Variants in C2CD3 observed in about 807,000 individuals in gnomAD.
C2CD3 encodes the protein C2 domain containing 3 centriole elongation regulator.
In C2CD3, 148 loss-of-function variants were observed where a neutral mutation model predicts 234.0. The observed-to-expected ratio is 0.63, with a 90% confidence interval of 0.55 to 0.72. The LOEUF is 0.72. Among genes scored for constraint, C2CD3 ranks in the 30% least tolerant of loss-of-function variants. The pLI, the probability that C2CD3 is intolerant of heterozygous loss-of-function variation, is 0.00. For missense variants in C2CD3, 2,577 were observed against 2,811.5 expected (o/e 0.92, Z 1.89); for synonymous variants, 1,000 against 1,035.4 (o/e 0.97, Z 0.66).
chr11:74,157,993 G>A (rs1446006535), intron 3 of C2CD3, among the ~76,000 whole-genome samples: 1 of 152,158 alleles, frequency 6.6e-6, no homozygotes, highest in Non-Finnish European at 1.5e-5. Flanking sequence ...CCACATGCAG[G>A]AGAATAAGAG....
intron 3 of C2CD3, among the ~76,000 whole-genome samples, chr11:74,155,083 C>A (rs924585596): frequency 1.3e-5 from 2 of 152,276 alleles, no homozygotes; most frequent in Admixed American, 1.3e-4. Context: ...CTGTTCCTGG[C>A]AGGCCTCCAC....
At chr11:74,075,266 C>T (rs1337498300) in intron 23 of C2CD3, among the ~76,000 whole-genome samples, 5 of 151,546 alleles carry the variant, frequency 3.3e-5, no homozygotes, top group Non-Finnish European at 7.4e-5. Flanking sequence ...ATTTTCTCTT[C>T]CTCGTGTCTC....
At chr11:74,080,202 T>A (rs1179843467) in intron 22 of C2CD3, among the ~76,000 whole-genome samples, 2 of 152,214 alleles carry the variant, frequency 1.3e-5, no homozygotes, top group African/African-American at 4.8e-5. Flanking sequence ...ACTAAGTATA[T>A]TTTACAAATG....
rs551918060 is a variant in C2CD3, at chr11:74,116,237, C to T, written c.1521-1644G>A. On this transcript the variant is annotated intron_variant, in intron 9 of 32. Coordinates refer to ENST00000334126, the MANE Select transcript of C2CD3 (RefSeq NM_001286577.2). ...CACAATCTATACATCTGACAAAGGA[C>T]TAATATCCAGAATCTATAAGGAATG... Among the ~76,000 whole-genome samples the T allele has an allele frequency of 5.9e-5, 9 of 152,174 alleles. No homozygotes were observed. In the East Asian group the frequency reaches 1.7e-3, roughly 29 times the overall value.
At chr11:74,032,986 T>C (rs1952584755) in intron 31 of C2CD3, among the ~76,000 whole-genome samples, 1 of 152,154 alleles carries the variant, frequency 6.6e-6, no homozygotes, top group Non-Finnish European at 1.5e-5. Flanking sequence ...AAGTGCTCAA[T>C]GGCAGTGATT....
In C2CD3 at chr11:74,139,640, C is replaced by G; in HGVS notation, c.672G>C (p.Glu224Asp). The G allele has an allele frequency of 6.2e-7, 1 of 1,613,960 alleles. No homozygotes were observed. The highest frequency in any genetic ancestry group is 8.5e-7 in the Non-Finnish European group (1 of 1,179,864). ...DIHTIKIDGK[E>D]LAANSSRSTT... ...TTGATCTACTGCTGTTGGCTGCTAA[C>G]TCTTTTCCATCAATTTTGATGGTAT... Residue 224 changes from glutamate (E) to aspartate (D), a missense_variant, in exon 4 of 33, where the codon GAG becomes GAC. Glu to Asp is a conservative substitution (Grantham distance 45, BLOSUM62 2). Coordinates refer to ENST00000334126, the MANE Select transcript of C2CD3 (RefSeq NM_001286577.2).
chr11:74,144,695 C>T (rs183161385), intron 3 of C2CD3, among the ~76,000 whole-genome samples: 2 of 152,126 alleles, frequency 1.3e-5, no homozygotes, highest in Non-Finnish European at 2.9e-5. Flanking sequence ...TAAGTGAGAA[C>T]GTGTGGTGCT....
intron 19 of C2CD3, among the ~76,000 whole-genome samples, chr11:74,091,622 C>T (rs1001359277): frequency 3.3e-5 from 5 of 152,170 alleles, no homozygotes; most frequent in Admixed American, 2.0e-4. Flanking sequence ...TCTCCAAATT[C>T]GAATTAATCC....
Position 74,092,455 on chromosome 11 carries a change from T to C in C2CD3, c.3478A>G (p.Arg1160Gly), listed in dbSNP as rs776123112. 3.7e-6 allele frequency: 6 copies of C among 1,613,948 alleles called. No individual in the cohort carries two copies. In the East Asian group the frequency reaches 1.3e-4, roughly 36 times the overall value. The change falls in exon 19 of 33, where the codon AGG becomes GGG. Residue 1160 changes from arginine to glycine, a missense_variant. Arg to Gly is a moderately radical substitution (Grantham distance 125). Coordinates refer to ENST00000334126, the MANE Select transcript of C2CD3 (RefSeq NM_001286577.2). ...CTCAATTCTTTCCTGTTCTCAATCC[T>C]GGGGGTTAAAGGGAGATTAAAGGTC... Reference protein sequence around the residue: ...IQTFNLPLTPRIENRKELRNQ... With the variant: ...IQTFNLPLTPGIENRKELRNQ...
Position 74,037,627 on chromosome 11 carries a change from AGG to A in C2CD3, c.5730_5731del (p.Leu1911GlnfsTer16), listed in dbSNP as rs772067491. On this transcript the variant is annotated frameshift_variant, in exon 30 of 33. Coordinates refer to ENST00000334126, the MANE Select transcript of C2CD3 (RefSeq NM_001286577.2). LOFTEE classifies it high-confidence loss of function. ...GATGGCCGTTTGAGTCTGAGGGCTG[AGG>A]GGTAGGAAAGGCTTGGTGAGCTTCT... 3 of 1,614,094 alleles carry A rather than the reference AGG, an allele frequency of 1.9e-6. No homozygotes were observed. The highest frequency in any genetic ancestry group is 2.5e-6 in the Non-Finnish European group (3 of 1,179,990).
intron 15 of C2CD3, among the ~76,000 whole-genome samples, chr11:74,100,245 C>G (rs918812292): frequency 6.6e-6 from 1 of 152,164 alleles, no homozygotes; most frequent in Non-Finnish European, 1.5e-5. Flanking sequence ...GTTAACTCAT[C>G]TGTACAAAAA....
At chr11:74,129,649 C>G (rs1482357214) in intron 7 of C2CD3, 1 of 167,086 alleles carries the variant, frequency 6.0e-6, no homozygotes, top group Non-Finnish European at 1.2e-5. Flanking sequence ...CAGGCAGAGA[C>G]GCTCCTCACT....
At chr11:74,063,666 A>G (rs1263902015) in intron 24 of C2CD3, among the ~76,000 whole-genome samples, 1 of 152,214 alleles carries the variant, frequency 6.6e-6, no homozygotes, top group African/African-American at 2.4e-5. Flanking sequence ...CACAGCCAAT[A>G]TCATCTGAAT....
Position 74,084,906 on chromosome 11 carries a change from T to C in C2CD3, c.3975A>G (p.Thr1325=), listed in dbSNP as rs761072835. Residue 1325 remains threonine (T), a synonymous_variant, in exon 22 of 33, where the codon ACA becomes ACG. Coordinates refer to ENST00000334126, the MANE Select transcript of C2CD3 (RefSeq NM_001286577.2). ...EYLLGVVKVP[T]KELLIKRSGI... ...CAGATCTCTTGATCAGCAGCTCTTTTGTTGGAACTTTTACTACTCCAAGCA... is the reference window on the plus strand; with the variant it reads ...CAGATCTCTTGATCAGCAGCTCTTTCGTTGGAACTTTTACTACTCCAAGCA... The C allele has an allele frequency of 1.2e-6, 2 of 1,610,554 alleles. No homozygotes were observed. Among genetic ancestry groups the C allele is most frequent in the Admixed American group, 1.7e-5 (1 of 60,008 alleles).
intron 32 of C2CD3, among the ~76,000 whole-genome samples, chr11:74,026,056 G>A (rs550918506): frequency 6.6e-6 from 1 of 152,250 alleles, no homozygotes; most frequent in East Asian, 1.9e-4. Flanking sequence ...TTCCTGGACA[G>A]GACTGACACT....
At chr11:74,097,814 G>C (rs1177841033) in intron 16 of C2CD3, among the ~76,000 whole-genome samples, 195 bp downstream of exon 16, 1 of 152,168 alleles carries the variant, frequency 6.6e-6, no homozygotes, top group Non-Finnish European at 1.5e-5. Flanking sequence ...GGAGCTAAGA[G>C]GGACATAGAG....
chr11:74,103,731 A>C (rs1956409142), intron 13 of C2CD3, 106 bp from the exon 14 acceptor site: 4 of 861,942 alleles, frequency 4.6e-6, no homozygotes, highest in Non-Finnish European at 3.5e-6. Flanking sequence ...GAATTAACTC[A>C]TCCTCAAACA....
At chr11:74,037,436 T>A in intron 30 of C2CD3, 42 bp downstream of exon 30, 3 of 1,471,784 alleles carry the variant, frequency 2.0e-6, no homozygotes, top group Middle Eastern at 2.1e-4. Context: ...AATTAGCACC[T>A]AGTGACCATA....
intron 24 of C2CD3, among the ~76,000 whole-genome samples, chr11:74,062,693 C>A (rs1266979176): frequency 7.3e-5 from 11 of 151,266 alleles, no homozygotes; most frequent in African/African-American, 2.4e-4. Context: ...AAATTGACAC[C>A]CTAACATCAC....
Sources: allele counts gnomAD v4.1 joint callset (sites outside exome capture counted in the v4.1 genomes callset), GRCh38; gene constraint gnomAD v4.1.1; transcripts MANE v1.5; gene names NCBI Gene and HGNC (gene_info 2026-07-23, HGNC 2026-07-21).